RFPL4A: variants seen among roughly 807,000 people sequenced by gnomAD.
RFPL4A encodes the protein ret finger protein like 4A.
In RFPL4A, 4 loss-of-function variants were observed where a neutral mutation model predicts 8.3. That is an observed-to-expected ratio of 0.48 (90% CI 0.24 to 1.10). The LOEUF (loss-of-function observed/expected upper bound fraction) is 1.10, where lower values mean the gene tolerates loss of function less well. RFPL4A is among the 50% of genes least tolerant of loss of function. The pLI, the probability that RFPL4A is intolerant of heterozygous loss-of-function variation, is 0.18. For synonymous variants in RFPL4A, 43 were observed against 136.6 expected (o/e 0.31, Z 4.78); for missense variants, 111 against 358.7 (o/e 0.31, Z 5.58).
upstream of RFPL4A, among the ~76,000 whole-genome samples, chr19:55,758,324 A>T (rs1476580935): frequency 3.3e-5 from 5 of 152,278 alleles, no homozygotes; most frequent in African/African-American, 1.2e-4. Flanking sequence ...TAAATTAAAG[A>T]CTATTAATTT....
chr19:55,760,864 T>A lies in RFPL4A; in HGVS notation c.-9-928T>A, dbSNP rs35151622. On this transcript the variant is annotated intron_variant, in intron 1 of 2. Transcript: ENST00000434937. ...TGCCTCAGTTTAAATTGCATTTCTC[T>A]GATGGTGAGTGAGGTTGAGCTTGTT... is the stretch of plus-strand genomic sequence containing the variant. Among the ~76,000 whole-genome samples, 1,471 of 148,674 alleles carry A rather than the reference T, an allele frequency of 9.9e-3. 43 individuals are homozygous for A. The highest frequency in any genetic ancestry group is 0.04 in the East Asian group (197 of 4,892).
intron 1 of RFPL4A, among the ~76,000 whole-genome samples, chr19:55,760,639 A>G (rs1351125715): frequency 2.2e-4 from 34 of 151,308 alleles, no homozygotes; most frequent in Admixed American, 5.3e-4. Flanking sequence ...ATTTAGTGTG[A>G]TAATGACCAC....
chr19:55,758,325 CTA>C (rs1157419870), upstream of RFPL4A, among the ~76,000 whole-genome samples: 2 of 152,414 alleles, frequency 1.3e-5, no homozygotes, highest in African/African-American at 2.4e-5. Flanking sequence ...AAATTAAAGA[CTA>C]TTAATTTAAT....
rs192959272 is a variant in RFPL4A at position 55,761,700 on chromosome 19, C to T, written c.-9-92C>T. ...GATTTTAAGTGTCGTGCTATGATAG[C>T]TCCATGCATGTAAAGATAAAAGCCC... On this transcript the variant is annotated intron_variant, in intron 1 of 2. Transcript: ENST00000434937. 1.5e-4 allele frequency: 224 copies of T among 1,470,048 alleles called. 2 individuals carry two copies. In the African/African-American group the frequency reaches 2.8e-3, roughly 18 times the overall value. 91.1% of individuals were successfully genotyped at this position (1,470,048 alleles called of 1,614,324 possible). A position where few individuals can be genotyped will look rare whatever the true frequency, so the allele number is the denominator to read the frequency against.
At chr19:55,760,594 A>G (rs946413814) in intron 1 of RFPL4A, among the ~76,000 whole-genome samples, 1 of 151,608 alleles carries the variant, frequency 6.6e-6, no homozygotes, top group Non-Finnish European at 1.5e-5. Flanking sequence ...ACATATGGGC[A>G]TGCTGGGGTC....
intron 1 of RFPL4A, among the ~76,000 whole-genome samples, chr19:55,761,585 T>G (rs1287905355): frequency 1.4e-5 from 2 of 147,842 alleles, no homozygotes; most frequent in Non-Finnish European, 3.0e-5. Flanking sequence ...TCATGCCCTT[T>G]ATTCCAATGA....
At position 55,761,806 on chromosome 19, in the gene RFPL4A, T is replaced by C; in HGVS notation, c.6T>C (p.Ala2=). 1.4e-6 allele frequency: 2 copies of C among 1,424,726 alleles called. No individual in the cohort carries two copies. The highest frequency in any genetic ancestry group is 3.1e-5 in the African/African-American group (2 of 63,818). The allele number at this position is 1,424,726 out of a possible 1,614,324, so 88.3% of individuals were successfully genotyped here. Residue 2 remains alanine, a synonymous_variant, in exon 2 of 3, where the codon GCT becomes GCC. Coordinates refer to ENST00000434937, the MANE Select transcript of RFPL4A (RefSeq NM_001145014.2). M[A]EHFKQIIRCP... The stretch of plus-strand genomic sequence containing the variant: ...TTTTTCTATAGACATTTGCCATGGC[T>C]GAGCACTTCAAACAGATCATTAGAT...
chr19:55,758,271 G>C (rs1341168129), upstream of RFPL4A, among the ~76,000 whole-genome samples: 1 of 152,308 alleles, frequency 6.6e-6, no homozygotes, highest in African/African-American at 2.4e-5. Context: ...TAGGAAAGAA[G>C]AGAATCTAGC....
intron 1 of RFPL4A, 94 bp from the exon 2 acceptor site, chr19:55,761,698 A>C: frequency 2.7e-6 from 4 of 1,471,818 alleles, no homozygotes; most frequent in Non-Finnish European, 3.7e-6. Flanking sequence ...GTGCTATGAT[A>C]GCTCCATGCA....
chr19:55,761,184 C>T (rs1319361865), intron 1 of RFPL4A, among the ~76,000 whole-genome samples: 1 of 137,382 alleles, frequency 7.3e-6, no homozygotes, highest in Non-Finnish European at 1.6e-5. Context: ...TCAGGGTTTT[C>T]ACCACATGCA....
At chr19:55,759,672 C>G (rs1270489697) in intron 1 of RFPL4A, among the ~76,000 whole-genome samples, 1 of 151,748 alleles carries the variant, frequency 6.6e-6, no homozygotes, top group South Asian at 2.1e-4. Context: ...CCCACCTCTT[C>G]CAGGATGGGG....
upstream of RFPL4A, among the ~76,000 whole-genome samples, chr19:55,758,512 A>G (rs370014808): frequency 7.9e-5 from 12 of 151,580 alleles, no homozygotes; most frequent in Admixed American, 2.0e-4. Context: ...AGGGAAATAG[A>G]TTGTAACAGT....
intron 1 of RFPL4A, among the ~76,000 whole-genome samples, chr19:55,760,902 C>T (rs1989267692): frequency 6.6e-6 from 1 of 151,276 alleles, no homozygotes; most frequent in Non-Finnish European, 1.5e-5. Context: ...TCAGTACTTG[C>T]TGGTCGTTGG....
Position 55,761,261 on chromosome 19 carries a change from A to G in RFPL4A, c.-9-531A>G, listed in dbSNP as rs1989276461. ...CAGCACTGTCCAATAGAAACATAAG[A>G]TAACCCATATATGTAATGGTAAATT... On this transcript the variant is annotated intron_variant, in intron 1 of 2. Coordinates refer to ENST00000434937, the MANE Select transcript of RFPL4A (RefSeq NM_001145014.2). 2.2e-5 allele frequency among the ~76,000 whole-genome samples: 3 copies of G among 138,958 alleles called. 1 individual carries two copies. The highest frequency in any genetic ancestry group is 4.9e-5 in the Non-Finnish European group (3 of 61,348). The allele number at this position is 138,958 out of a possible 152,430, so 91.2% of individuals were successfully genotyped here.
rs1989309618 is a variant in RFPL4A at position 55,762,618 on chromosome 19, G to A, written c.307G>A (p.Asp103Asn). 6.4e-7 allele frequency: 1 copy of A among 1,551,626 alleles called. No homozygotes were observed. Among genetic ancestry groups the A allele is most frequent in the Admixed American group, 2.0e-5 (1 of 50,972 alleles). The change falls in exon 3 of 3, where the codon GAC becomes AAC. Residue 103 changes from aspartate to asparagine, a missense_variant. Physicochemically the swap from Asp to Asn is conservative, Grantham distance 23. Transcript: ENST00000434937. ...KFQVDMTFDV[D>N]TANNYLIISE... The stretch of plus-strand genomic sequence containing the variant: ...CACAGTGGATATGACGTTCGATGTG[G>A]ACACAGCCAACAACTATCTCATCAT...
chr19:55,758,304 T>C (rs1215015567), upstream of RFPL4A, among the ~76,000 whole-genome samples: 1 of 152,304 alleles, frequency 6.6e-6, no homozygotes, highest in Non-Finnish European at 1.5e-5. Flanking sequence ...ATGATTACTG[T>C]GGAGATGATT....
Position 55,762,771 on chromosome 19 carries a change from G to C in RFPL4A, c.460G>C (p.Glu154Gln), listed in dbSNP as rs774819524. Residue 154 changes from glutamate (E) to glutamine (Q), a missense_variant, in exon 3 of 3, where the codon GAG (glutamate) becomes CAG (glutamine). Coordinates refer to ENST00000434937, the MANE Select transcript of RFPL4A (RefSeq NM_001145014.2). The stretch of plus-strand genomic sequence containing the variant: ...CTTCACTTCCGGCCGCCATTACTGG[G>C]AGGTGGACGTGGGCACCAGCCAAGT... ...PRFTSGRHYW[E>Q]VDVGTSQVWD... 2.6e-6 allele frequency: 4 copies of C among 1,547,350 alleles called. No individual in the cohort carries two copies. The South Asian group carries it at 3.6e-5, about 14-fold the overall frequency.
intron 1 of RFPL4A, among the ~76,000 whole-genome samples, chr19:55,759,500 C>G (rs1051741445): frequency 6.6e-6 from 1 of 151,316 alleles, no homozygotes; most frequent in African/African-American, 2.4e-5. Flanking sequence ...TCCTATTCTC[C>G]CCTTCCCACA....
chr19:55,762,752 T>C lies in RFPL4A; in HGVS notation c.441T>C (p.Thr147=), dbSNP rs1989315295. 1 of 1,549,068 alleles carries C rather than the reference T, an allele frequency of 6.5e-7. No individual in the cohort carries two copies. The highest frequency in any genetic ancestry group is 2.0e-5 in the Admixed American group (1 of 50,734). Residue 147 remains threonine (T), a synonymous_variant, in exon 3 of 3, where the codon ACT becomes ACC. Transcript: ENST00000434937. The part of the protein sequence containing the change: ...ALCVLGTPRF[T]SGRHYWEVDV... ...GCGTCCTGGGCACCCCTCGCTTCAC[T>C]TCCGGCCGCCATTACTGGGAGGTGG...
Sources: allele counts gnomAD v4.1 joint callset (sites outside exome capture counted in the v4.1 genomes callset), GRCh38; gene constraint gnomAD v4.1.1; transcripts MANE v1.5; gene names NCBI Gene and HGNC (gene_info 2026-07-23, HGNC 2026-07-21).